SLC25A21: variants seen among roughly 807,000 people sequenced by gnomAD.
SLC25A21 encodes mitochondrial 2-oxodicarboxylate carrier.
A neutral mutation model predicts 43.8 loss-of-function variants in SLC25A21; 47 were observed. The observed-to-expected ratio is 1.07, with a 90% CI of 0.85 to 1.37. The LOEUF is 1.37. Ranked by LOEUF, SLC25A21 falls within the 40% of genes most tolerant of loss-of-function variation. The pLI is 0.00. For synonymous variants in SLC25A21, 131 were observed against 121.3 expected (o/e 1.08, Z -0.52); for missense variants, 352 against 350.2 (o/e 1.00, Z -0.04).
intron 2 of SLC25A21, among the ~76,000 whole-genome samples, chr14:36,838,366 C>A (rs766433382): frequency 2.0e-5 from 3 of 152,222 alleles, no homozygotes; most frequent in Non-Finnish European, 4.4e-5. Flanking sequence ...GTGCTGGCAG[C>A]TACCTAGTCC....
chr14:36,963,930 A>T (rs1242111808), intron 1 of SLC25A21, among the ~76,000 whole-genome samples: 4 of 151,928 alleles, frequency 2.6e-5, no homozygotes, highest in African/African-American at 9.7e-5. Context: ...ATTCTTCTCC[A>T]TCTCTCCCTT....
At chr14:36,971,923 G>A (rs1219511796) in intron 1 of SLC25A21, among the ~76,000 whole-genome samples, 1 of 152,096 alleles carries the variant, frequency 6.6e-6, no homozygotes, top group African/African-American at 2.4e-5. Flanking sequence ...TGTAAATATT[G>A]TGTTAAGAAG....
At chr14:36,807,946 C>T (rs1364567073) in intron 3 of SLC25A21, among the ~76,000 whole-genome samples, 6 of 152,146 alleles carry the variant, frequency 3.9e-5, no homozygotes, top group Non-Finnish European at 5.9e-5. Context: ...TATGCTCGAG[C>T]TCATAAAACG....
intron 3 of SLC25A21, among the ~76,000 whole-genome samples, chr14:36,801,816 T>A (rs1887878538): frequency 6.6e-6 from 1 of 152,210 alleles, no homozygotes; most frequent in African/African-American, 2.4e-5. Context: ...GTCCCTCTGC[T>A]TATTAAACTC....
At chr14:37,131,727 T>G (rs1052410539) in intron 1 of SLC25A21, among the ~76,000 whole-genome samples, 2 of 152,228 alleles carry the variant, frequency 1.3e-5, no homozygotes, top group Non-Finnish European at 2.9e-5. Context: ...CAGGCTGGAA[T>G]GCAGTGATGA....
chr14:37,001,138 C>G (rs1314772260), intron 1 of SLC25A21, among the ~76,000 whole-genome samples: 1 of 152,130 alleles, frequency 6.6e-6, no homozygotes, highest in African/African-American at 2.4e-5. Context: ...TCCCTATCCC[C>G]TACTAGAATG....
chr14:36,799,843 A>G (rs1887806444), intron 3 of SLC25A21, among the ~76,000 whole-genome samples: 2 of 152,202 alleles, frequency 1.3e-5, no homozygotes. Context: ...GCACCTGGTA[A>G]GTTATTGTTT....
chr14:37,080,442 A>G (rs1398192442), intron 1 of SLC25A21, among the ~76,000 whole-genome samples: 1 of 152,140 alleles, frequency 6.6e-6, no homozygotes, highest in Non-Finnish European at 1.5e-5. Context: ...AAAGTACAAA[A>G]AAACCATTTT....
At chr14:36,688,090 A>G (rs7147538) in intron 7 of SLC25A21, among the ~76,000 whole-genome samples, 6 of 152,174 alleles carry the variant, frequency 3.9e-5, no homozygotes, top group African/African-American at 1.4e-4. Context: ...TAATTACTCA[A>G]ATATACCAAG....
At chr14:36,846,119 C>T (rs1889533382) in intron 2 of SLC25A21, among the ~76,000 whole-genome samples, 2 of 152,134 alleles carry the variant, frequency 1.3e-5, no homozygotes, top group Admixed American at 6.5e-5. Flanking sequence ...AACCCCCAAA[C>T]CACATTACTT....
intron 3 of SLC25A21, among the ~76,000 whole-genome samples, chr14:36,784,800 T>C (rs1030058693): frequency 2.0e-5 from 3 of 152,216 alleles, no homozygotes; most frequent in Non-Finnish European, 4.4e-5. Flanking sequence ...ACTTGCTATC[T>C]TACTCCATGA....
At position 36,729,539 on chromosome 14, in the gene SLC25A21, A is replaced by G. The variant is rs1884735912; in HGVS notation, c.298T>C (p.Leu100=). 1 of 1,609,738 alleles carries G rather than the reference A, an allele frequency of 6.2e-7. No individual in the cohort carries two copies. The highest frequency in any genetic ancestry group is 1.7e-5 in the Admixed American group (1 of 59,170). The change falls in exon 5 of 10, where the codon TTG becomes CTG. Residue 100 remains leucine, a synonymous_variant. Coordinates refer to ENST00000331299, the MANE Select transcript of SLC25A21 (RefSeq NM_030631.4). Reference sequence around the variant, plus strand: ...GGTGACAGTGACACATATCCCAGCAATTTCTTGTACTGCTCAAAGGTGAAA... The same window carrying G: ...GGTGACAGTGACACATATCCCAGCAGTTTCTTGTACTGCTCAAAGGTGAAA... The part of the protein sequence containing the change: ...KFFTFEQYKK[L]LGYVSLSPAL...
intron 3 of SLC25A21, among the ~76,000 whole-genome samples, chr14:36,755,143 A>C (rs1180360184): frequency 6.6e-6 from 1 of 152,114 alleles, no homozygotes; most frequent in African/African-American, 2.4e-5. Context: ...CTAAAACCAC[A>C]CTCCCATTTA....
chr14:36,913,374 C>T lies in SLC25A21; in HGVS notation c.71-38370G>A, dbSNP rs946206273. Among the ~76,000 whole-genome samples the T allele has an allele frequency of 1.1e-4, 17 of 152,262 alleles. No homozygotes were observed. In the East Asian group the frequency reaches 1.9e-3, roughly 17 times the overall value. On this transcript the variant is annotated intron_variant, in intron 1 of 9. Coordinates refer to ENST00000331299, the MANE Select transcript of SLC25A21 (RefSeq NM_030631.4). The stretch of plus-strand genomic sequence containing the variant: ...AATGATCATGGGTCACTGCAACCTC[C>T]GCCTCTTGGGCTCAAGCCATCCTCC...
rs745603294 is a variant in SLC25A21 at position 37,017,388 on chromosome 14, T to C, written c.71-142384A>G. Among the ~76,000 whole-genome samples the C allele has an allele frequency of 2.6e-5, 4 of 152,224 alleles. 1 individual carries two copies. Among genetic ancestry groups the C allele is most frequent in the South Asian group, 4.1e-4 (2 of 4,830 alleles). On this transcript the variant is annotated intron_variant, in intron 1 of 9. Transcript: ENST00000331299. ...GCAGTCAGAACACATTCAACATTTA[T>C]CAATTAAGTTCACTGTTTTACATGT...
Position 37,089,752 on chromosome 14 carries a change from A to G in SLC25A21, c.70+82529T>C, listed in dbSNP as rs988454456. 5.3e-5 allele frequency among the ~76,000 whole-genome samples: 8 copies of G among 152,310 alleles called. No homozygotes were observed. The South Asian group carries it at 1.7e-3, about 32-fold the overall frequency. ...TCAAAAAGAAGGGCTGTGTCCTCCTATGATGACGGAGATAACTAATGGAGT... is the reference window on the plus strand; with the variant it reads ...TCAAAAAGAAGGGCTGTGTCCTCCTGTGATGACGGAGATAACTAATGGAGT... On this transcript the variant is annotated intron_variant, in intron 1 of 9. Coordinates refer to ENST00000331299, the MANE Select transcript of SLC25A21 (RefSeq NM_030631.4).
intron 1 of SLC25A21, among the ~76,000 whole-genome samples, chr14:36,940,180 A>T (rs1412830979): frequency 1.3e-5 from 2 of 152,106 alleles, no homozygotes; most frequent in Non-Finnish European, 2.9e-5. Flanking sequence ...CCTTTCAATT[A>T]ATCTGTTCAT....
intron 1 of SLC25A21, among the ~76,000 whole-genome samples, chr14:36,981,502 G>C (rs371298370): frequency 1.3e-5 from 2 of 152,306 alleles, no homozygotes; most frequent in East Asian, 3.9e-4. Context: ...GGAATGCTAT[G>C]CAGCCATAAA....
chr14:36,901,474 A>G (rs1891398127), intron 1 of SLC25A21, among the ~76,000 whole-genome samples: 1 of 152,184 alleles, frequency 6.6e-6, no homozygotes, highest in Non-Finnish European at 1.5e-5. Flanking sequence ...TTTTAAAGCT[A>G]ACTACATAAG....
Sources: gnomAD v4.1 joint callset for allele counts (sites outside exome capture counted in the v4.1 genomes callset) on GRCh38, gnomAD v4.1.1 for gene constraint, MANE v1.5 for transcripts, NCBI Gene and HGNC (gene_info 2026-07-23, HGNC 2026-07-21) for gene names.